Variants in YTHDC2 observed in about 807,000 individuals in gnomAD.
YTHDC2 encodes the protein 3'-5' RNA helicase YTHDC2.
Under a neutral mutation model 174.9 loss-of-function variants are expected in YTHDC2, and 45 were observed. The observed-to-expected ratio is 0.26, with a 90% CI of 0.20 to 0.33. The LOEUF (loss-of-function observed/expected upper bound fraction) is 0.33, where lower values mean the gene tolerates loss of function less well. Ranked by LOEUF, YTHDC2 falls within the 10% of genes least tolerant of loss-of-function variation. The pLI, the probability that YTHDC2 is intolerant of heterozygous loss-of-function variation, is 1.00. For missense variants in YTHDC2, 1,650 were observed against 1,723.7 expected, an observed-to-expected ratio of 0.96 and a Z score of 0.76; for synonymous variants, 657 against 574.5, an observed-to-expected ratio of 1.14 and a Z score of -2.05.
chr5:113,556,820 A>G lies in YTHDC2; in HGVS notation c.2216+686A>G, dbSNP rs111801112. On this transcript the variant is annotated intron_variant, in intron 17 of 29. Transcript: ENST00000161863. ...CTGAGTATGCTTGCACACGTGTGCA[A>G]AGATGTATGTTTAAGACTGTTCTTT... 2.9e-3 allele frequency among the ~76,000 whole-genome samples: 448 copies of G among 152,314 alleles called. 3 individuals carry two copies. The highest frequency in any genetic ancestry group is 0.01 in the African/African-American group (419 of 41,572).
intron 10 of YTHDC2, among the ~76,000 whole-genome samples, chr5:113,546,039 C>CCTCATTATTGATTGTTTGAAAAATAAT (rs546478622): frequency 7.8e-6 from 1 of 128,050 alleles, no homozygotes; most frequent in East Asian, 2.0e-4. Context: ...CGCGCCCGGC[C>CCTCATTATTGATTGTTTGAAAAATAAT]TGATCTCCAT....
At chr5:113,535,128 C>T (rs368740719) in intron 6 of YTHDC2, among the ~76,000 whole-genome samples, 3 of 152,126 alleles carry the variant, frequency 2.0e-5, no homozygotes, top group African/African-American at 7.2e-5. Flanking sequence ...CTCTCTGTAT[C>T]TGTGGGTTCC....
At chr5:113,541,783 C>A (rs1032390679) in intron 9 of YTHDC2, among the ~76,000 whole-genome samples, 2 of 151,598 alleles carry the variant, frequency 1.3e-5, no homozygotes, top group African/African-American at 2.4e-5. Flanking sequence ...GCTAAATATA[C>A]TATATATATA....
At chr5:113,553,136 G>A in intron 12 of YTHDC2, 45 bp from the exon 13 acceptor site, 1 of 1,401,434 alleles carries the variant, frequency 7.1e-7, no homozygotes. Flanking sequence ...GATTACTTTT[G>A]TTAATGGAAA....
chr5:113,522,796 C>G (rs1773968416), intron 2 of YTHDC2, among the ~76,000 whole-genome samples: 2 of 152,124 alleles, frequency 1.3e-5, no homozygotes, highest in Non-Finnish European at 2.9e-5. Flanking sequence ...TATGATATAT[C>G]AGTGTCACTG....
intron 23 of YTHDC2, among the ~76,000 whole-genome samples, chr5:113,575,430 C>T (rs760172443): frequency 1.3e-5 from 2 of 152,142 alleles, no homozygotes; most frequent in South Asian, 2.1e-4. Context: ...CAAAGAGGAT[C>T]GCCTTAGGGG....
Position 113,545,841 on chromosome 5 carries a change from C to T in YTHDC2, c.1496-2700C>T, listed in dbSNP as rs1460105400. ...CTGCAAGCTCCGCCTCCCGGGTTCACGCCATTCTCCTGCCTCAGCCTCCCA... is the reference window on the plus strand; with the variant it reads ...CTGCAAGCTCCGCCTCCCGGGTTCATGCCATTCTCCTGCCTCAGCCTCCCA... On this transcript the variant is annotated intron_variant, in intron 10 of 29. Transcript: ENST00000161863. Among the ~76,000 whole-genome samples, 60 of 93,784 alleles carry T rather than the reference C, an allele frequency of 6.4e-4. 11 individuals are homozygous for T. Among genetic ancestry groups the T allele is most frequent in the Non-Finnish European group, 9.4e-4 (50 of 52,970 alleles). The allele number at this position is 93,784 out of a possible 152,430, so 61.5% of individuals were successfully genotyped here.
rs769751986 is a variant in YTHDC2 at position 113,567,647 on chromosome 5, T to G, written c.3049-7T>G. On this transcript the variant is annotated splice_region_variant and splice_polypyrimidine_tract_variant and intron_variant, in intron 22 of 29. Coordinates refer to ENST00000161863, the MANE Select transcript of YTHDC2 (RefSeq NM_022828.5). ...TTAACAATTTTTAAAATTTATTTTCTTAATAGATTCCTCCAGCCAATGGTC... is the reference window on the plus strand; with the variant it reads ...TTAACAATTTTTAAAATTTATTTTCGTAATAGATTCCTCCAGCCAATGGTC... 6.3e-7 allele frequency: 1 copy of G among 1,579,876 alleles called. No individual in the cohort carries two copies. Among genetic ancestry groups the G allele is most frequent in the Non-Finnish European group, 8.6e-7 (1 of 1,168,396 alleles).
intron 17 of YTHDC2, chr5:113,556,456 A>G (rs1229676420): frequency 2.3e-5 from 4 of 177,196 alleles, no homozygotes; most frequent in Non-Finnish European, 3.5e-5. Context: ...TTTGAAATCA[A>G]CTAAAGGCCA....
intron 8 of YTHDC2, among the ~76,000 whole-genome samples, chr5:113,540,503 T>C (rs1187374056): frequency 1.3e-5 from 2 of 152,168 alleles, no homozygotes; most frequent in African/African-American, 2.4e-5. Flanking sequence ...TGGGGAGGCC[T>C]CAGGAAACTT....
At position 113,515,465 on chromosome 5, in the gene YTHDC2, C is replaced by T. The variant is rs546407215; in HGVS notation, c.278+103C>T. The T allele has an allele frequency of 3.4e-4, 315 of 925,330 alleles. 1 individual carries two copies. The African/African-American group carries it at 4.8e-3, about 14-fold the overall frequency. 57.3% of individuals were successfully genotyped at this position (925,330 alleles called of 1,614,324 possible). A position where few individuals can be genotyped will look rare whatever the true frequency, so the allele number is the denominator to read the frequency against. ...TAAGTACTTATTACTGTTTTAACTT[C>T]ACATTCTTAATTGTATCATATGTAG... On this transcript the variant is annotated intron_variant, in intron 2 of 29. Coordinates refer to ENST00000161863, the MANE Select transcript of YTHDC2 (RefSeq NM_022828.5).
Position 113,583,891 on chromosome 5 carries a change from A to G in YTHDC2, c.3648-411A>G, listed in dbSNP as rs116234511. The G allele has an allele frequency of 8.4e-3, 1,296 of 153,644 alleles. 20 individuals are homozygous for G. The highest frequency in any genetic ancestry group is 0.03 in the African/African-American group (1,246 of 41,574). 9.5% of individuals were successfully genotyped at this position (153,644 alleles called of 1,614,324 possible). A position where few individuals can be genotyped will look rare whatever the true frequency, so the allele number is the denominator to read the frequency against. ...GGTGGTGTTGTGAACTTTATATTGCAATACATCAGGAAGTACTTAATGTCT... is the reference window on the plus strand; with the variant it reads ...GGTGGTGTTGTGAACTTTATATTGCGATACATCAGGAAGTACTTAATGTCT... On this transcript the variant is annotated intron_variant, in intron 25 of 29. Coordinates refer to ENST00000161863, the MANE Select transcript of YTHDC2 (RefSeq NM_022828.5).
At chr5:113,528,984 T>C (rs1276200682) in intron 4 of YTHDC2, among the ~76,000 whole-genome samples, 1 of 152,136 alleles carries the variant, frequency 6.6e-6, no homozygotes, top group East Asian at 1.9e-4. Context: ...TATATATTGG[T>C]TTTTTAACAT....
In YTHDC2 at chr5:113,531,451, G is replaced by C. The variant is rs980188744; in HGVS notation, c.676-1428G>C. ...GTAATTGACATTGCCTACCTCCTGA[G>C]TAGAGAGCAATTATGTGGTCCTAAG... On this transcript the variant is annotated intron_variant, in intron 4 of 29. Transcript: ENST00000161863. Among the ~76,000 whole-genome samples the C allele has an allele frequency of 4.6e-5, 7 of 152,164 alleles. No homozygotes were observed. In the East Asian group the frequency reaches 1.4e-3, roughly 29 times the overall value.
intron 10 of YTHDC2, among the ~76,000 whole-genome samples, chr5:113,546,752 C>T (rs1004308002): frequency 6.6e-6 from 1 of 152,258 alleles, no homozygotes. Context: ...CATGAGGTTG[C>T]GGTTAAACTG....
At chr5:113,579,282 T>A (rs1309040812) in intron 23 of YTHDC2, among the ~76,000 whole-genome samples, 1 of 152,180 alleles carries the variant, frequency 6.6e-6, no homozygotes, top group African/African-American at 2.4e-5. Flanking sequence ...CATTCCTTCC[T>A]TGAATTATGT....
intron 12 of YTHDC2, among the ~76,000 whole-genome samples, chr5:113,551,240 G>C (rs2112662649): frequency 6.6e-6 from 1 of 151,950 alleles, no homozygotes; most frequent in Non-Finnish European, 1.5e-5. Context: ...TTAACACTTT[G>C]AATGTTCCAG....
Position 113,579,640 on chromosome 5 carries a change from C to T in YTHDC2, c.3299C>T (p.Ala1100Val), listed in dbSNP as rs757661748. ...AGTGAAATGGAGGACAAAACTACAGCTAATTTGGCAGCCTTGAAACTTGAT... is the reference window on the plus strand; with the variant it reads ...AGTGAAATGGAGGACAAAACTACAGTTAATTTGGCAGCCTTGAAACTTGAT... ...SDSEMEDKTTANLAALKLDEW... is the reference protein window; with the variant it reads ...SDSEMEDKTTVNLAALKLDEW... Residue 1100 changes from alanine to valine, a missense_variant, in exon 24 of 30, where the codon GCT becomes GTT. By Grantham distance (64) the Ala-to-Val change is moderately conservative (BLOSUM62 0). Around this residue, in one of 5 missense-constraint regions of YTHDC2, gnomAD observed 913 missense variants for 940.4 expected, o/e 0.97. Transcript: ENST00000161863. 1.2e-6 allele frequency: 2 copies of T among 1,610,714 alleles called. No individual in the cohort carries two copies. Among genetic ancestry groups the T allele is most frequent in the Non-Finnish European group, 1.7e-6 (2 of 1,178,212 alleles).
At chr5:113,533,636 CAAAG>C (rs915700838) in intron 5 of YTHDC2, among the ~76,000 whole-genome samples, 7 of 151,804 alleles carry the variant, frequency 4.6e-5, no homozygotes, top group African/African-American at 1.7e-4. Flanking sequence ...TAAAATGAGT[CAAAG>C]AAAAGCATCT....
Sources: allele counts gnomAD v4.1 joint callset (sites outside exome capture counted in the v4.1 genomes callset), GRCh38; gene constraint gnomAD v4.1.1; regional missense constraint gnomAD v4.1.1; transcripts MANE v1.5; gene names NCBI Gene and HGNC (gene_info 2026-07-23, HGNC 2026-07-21).